Variants in COL24A1 observed in about 807,000 individuals in gnomAD.
COL24A1 encodes collagen type XXIV alpha 1 chain.
A neutral mutation model predicts 253.9 loss-of-function variants in COL24A1; 224 were observed. The ratio of observed to expected loss-of-function variants is 0.88; its 90% CI spans 0.79 to 0.99. The LOEUF (loss-of-function observed/expected upper bound fraction) is 0.99, where lower values mean the gene tolerates loss of function less well. COL24A1 is among the 50% of genes least tolerant of loss of function. The probability of loss-of-function intolerance (pLI) is 0.00; values close to 1 mark genes in which losing one functional copy is unlikely to be tolerated. For synonymous variants in COL24A1, 685 were observed against 673.7 expected, an observed-to-expected ratio of 1.02 and a Z score of -0.26; for missense variants, 2,131 against 2,068.5, an observed-to-expected ratio of 1.03 and a Z score of -0.59.
At chr1:85,810,141 T>C (rs1327502106) in intron 47 of COL24A1, among the ~76,000 whole-genome samples, 1 of 152,070 alleles carries the variant, frequency 6.6e-6, no homozygotes, top group Non-Finnish European at 1.5e-5. Context: ...CAAATACAGC[T>C]AAAACCAAAA....
At chr1:86,025,564 A>T (rs1039637602) in intron 14 of COL24A1, among the ~76,000 whole-genome samples, 1 of 152,292 alleles carries the variant, frequency 6.6e-6, no homozygotes, top group East Asian at 1.9e-4. Flanking sequence ...TGGAAAAAAT[A>T]ATTTAGATAA....
rs538882517 is a variant in COL24A1 at position 85,942,808 on chromosome 1, G to C, written c.2562+18441C>G. 4.6e-5 allele frequency among the ~76,000 whole-genome samples: 7 copies of C among 152,268 alleles called. No individual in the cohort carries two copies. In the East Asian group the frequency reaches 1.2e-3, roughly 25 times the overall value. ...TACATCACATTACAGTGGAACTACT[G>C]CTTTGTTACTGTCTTTATTTGGAAA... On this transcript the variant is annotated intron_variant, in intron 24 of 59. Transcript: ENST00000370571.
intron 8 of COL24A1, among the ~76,000 whole-genome samples, chr1:86,062,431 G>A (rs1210365817): frequency 2.0e-5 from 3 of 151,578 alleles, no homozygotes; most frequent in African/African-American, 4.8e-5. Context: ...AGAATAGAAA[G>A]GAAGAACTGA....
At chr1:85,823,618 A>G (rs772585148) in intron 44 of COL24A1, 29 bp from the exon 45 acceptor site, 6 of 1,613,772 alleles carry the variant, frequency 3.7e-6, no homozygotes, top group Non-Finnish European at 5.1e-6. Flanking sequence ...TAAAAATCAC[A>G]TATGAAGCAG....
intron 7 of COL24A1, among the ~76,000 whole-genome samples, chr1:86,084,249 T>C (rs946806662): frequency 2.0e-5 from 3 of 152,216 alleles, no homozygotes; most frequent in Non-Finnish European, 4.4e-5. Context: ...CTTCTTGGGG[T>C]AAGTTCATAA....
chr1:86,066,658 A>G (rs1443180682), intron 7 of COL24A1, among the ~76,000 whole-genome samples: 1 of 152,188 alleles, frequency 6.6e-6, no homozygotes, highest in East Asian at 1.9e-4. Context: ...GATCTGTTCT[A>G]GATCCAGTTT....
At chr1:85,815,814 G>A (rs953483600) in intron 47 of COL24A1, among the ~76,000 whole-genome samples, 4 of 151,992 alleles carry the variant, frequency 2.6e-5, no homozygotes, top group East Asian at 1.9e-4. Context: ...TGGTTAATTC[G>A]TCTAATGTTT....
chr1:85,875,209 A>G (rs7536101), intron 34 of COL24A1, 68 bp downstream of exon 34: 581,651 of 1,344,028 alleles, frequency 0.43, 128,496 homozygotes, highest in East Asian at 0.56. Context: ...AGGGGATTCA[A>G]TGGTAGCAAA....
intron 20 of COL24A1, among the ~76,000 whole-genome samples, chr1:85,980,903 C>T (rs996037488): frequency 5.3e-5 from 8 of 151,602 alleles, no homozygotes; most frequent in African/African-American, 7.3e-5. Context: ...AGTGAGATTC[C>T]GAGACTCCGT....
rs747257246 is a variant in COL24A1, at chr1:85,842,125, C to A, written c.3517-4G>T. 1.9e-6 allele frequency: 3 copies of A among 1,613,106 alleles called. No individual in the cohort carries two copies. Among genetic ancestry groups the A allele is most frequent in the African/African-American group, 2.7e-5 (2 of 74,870 alleles). ...GTCCTGGTTGGCCCTGATGGCCCTA[C>A]GAAAGGACAAGTAGACATTTATACA... is the stretch of plus-strand genomic sequence containing the variant. On this transcript the variant is annotated splice_polypyrimidine_tract_variant and splice_region_variant and intron_variant, in intron 40 of 59. Transcript: ENST00000370571.
Position 85,823,573 on chromosome 1 carries a change from T to C in COL24A1, c.3752A>G (p.Gln1251Arg), listed in dbSNP as rs1188207374. Residue 1251 changes from glutamine (Q) to arginine (R), a missense_variant, in exon 45 of 60, where the codon CAG becomes CGG. Physicochemically the swap from Gln to Arg is conservative, Grantham distance 43 (BLOSUM62 1). Transcript: ENST00000370571. ...CTCTCCTTTTAGTCCTTGTTCACCC[T>C]GGTCACCTGGTTCGCCCTTTAGTAG... ...QQGPPGEPGDQGEQGLKGERG... is the reference protein window; with the variant it reads ...QQGPPGEPGDRGEQGLKGERG... 6.2e-7 allele frequency: 1 copy of C among 1,613,930 alleles called. No homozygotes were observed. Among genetic ancestry groups the C allele is most frequent in the African/African-American group, 1.3e-5 (1 of 74,920 alleles).
chr1:86,066,834 C>A (rs1276827769), intron 7 of COL24A1, among the ~76,000 whole-genome samples: 1 of 152,036 alleles, frequency 6.6e-6, no homozygotes, highest in Non-Finnish European at 1.5e-5. Flanking sequence ...AAAAACAAAG[C>A]AGATATGAGT....
chr1:86,042,072 C>G (rs964312012), intron 12 of COL24A1, among the ~76,000 whole-genome samples: 3 of 152,052 alleles, frequency 2.0e-5, no homozygotes, highest in African/African-American at 7.2e-5. Flanking sequence ...AGGAAGAAGT[C>G]AGAACTACAC....
chr1:85,849,820 G>A (rs983455961), intron 37 of COL24A1, among the ~76,000 whole-genome samples: 4 of 152,178 alleles, frequency 2.6e-5, no homozygotes, highest in African/African-American at 9.6e-5. Context: ...GCTACTGGGA[G>A]CTCAGCATCT....
chr1:86,087,713 T>C (rs763240568), intron 7 of COL24A1, among the ~76,000 whole-genome samples: 1 of 152,236 alleles, frequency 6.6e-6, no homozygotes, highest in Non-Finnish European at 1.5e-5. Context: ...ATGATATATG[T>C]CAGTACAATC....
chr1:85,813,841 G>A (rs149960919), intron 47 of COL24A1, among the ~76,000 whole-genome samples: 6,159 of 152,090 alleles, frequency 0.04, 302 homozygotes, highest in East Asian at 0.17. Flanking sequence ...GTGAGCCACC[G>A]CGCCCGGCCT....
rs978044091 is a variant in COL24A1 at position 86,022,594 on chromosome 1, G to A, written c.2149-3C>T. The A allele has an allele frequency of 6.2e-7, 1 of 1,611,060 alleles. No individual in the cohort carries two copies. The highest frequency in any genetic ancestry group is 1.3e-5 in the African/African-American group (1 of 74,842). On this transcript the variant is annotated splice_polypyrimidine_tract_variant and splice_region_variant and intron_variant, in intron 16 of 59. Coordinates refer to ENST00000370571, the MANE Select transcript of COL24A1 (RefSeq NM_152890.7). ...TCTCCTGCTGTGCCTTGTTCACCCT[G>A]GAAAGCACAATTTCATGCAAAGATA... is the stretch of plus-strand genomic sequence containing the variant.
intron 5 of COL24A1, among the ~76,000 whole-genome samples, chr1:86,109,174 T>C (rs1705298456): frequency 6.6e-6 from 1 of 152,178 alleles, no homozygotes; most frequent in Non-Finnish European, 1.5e-5. Flanking sequence ...CGAAGGGCTA[T>C]GAAACCACAA....
chr1:86,047,288 T>C (rs1404288435), intron 11 of COL24A1, among the ~76,000 whole-genome samples: 1 of 152,180 alleles, frequency 6.6e-6, no homozygotes, highest in African/African-American at 2.4e-5. Flanking sequence ...GCACTGGCAA[T>C]CTTGCAATCA....
Sources: allele counts gnomAD v4.1 joint callset (sites outside exome capture counted in the v4.1 genomes callset), GRCh38; gene constraint gnomAD v4.1.1; transcripts MANE v1.5; gene names NCBI Gene and HGNC (gene_info 2026-07-23, HGNC 2026-07-21).